TCF7L2: variants seen among roughly 807,000 people sequenced by gnomAD.
TCF7L2 encodes the protein transcription factor 7-like 2.
TCF7L2 carries 23 observed loss-of-function variants against 77.9 expected under a neutral mutation model. That is an observed-to-expected ratio of 0.30 (90% CI 0.21 to 0.42). The LOEUF is 0.42. Ranked by LOEUF, TCF7L2 falls within the 10% of genes least tolerant of loss-of-function variation. The pLI is 1.00. For synonymous variants in TCF7L2, 413 were observed against 340.2 expected (o/e 1.21, Z -2.36); for missense variants, 654 against 793.1 (o/e 0.82, Z 2.11).
At chr10:113,106,028 C>CTTA (rs1564901702) in intron 5 of TCF7L2, among the ~76,000 whole-genome samples, 6 of 152,248 alleles carry the variant, frequency 3.9e-5, no homozygotes, top group African/African-American at 1.4e-4. Context: ...TGGAATGTTA[C>CTTA]CTAACAGGTA....
Position 112,961,264 on chromosome 10 carries a change from C to G in TCF7L2, c.382-3292C>G, listed in dbSNP as rs28649988. On this transcript the variant is annotated intron_variant, in intron 3 of 13. Coordinates refer to ENST00000627217, the MANE Select transcript of TCF7L2 (RefSeq NM_001146274.2). Reference sequence around the variant, plus strand: ...TCCCGACCTCAGGTGACCCCCCCCCCCCCAACCTCGGCCTTCCAAAGCGCT... The same window carrying G: ...TCCCGACCTCAGGTGACCCCCCCCCGCCCAACCTCGGCCTTCCAAAGCGCT... 1.4e-4 allele frequency among the ~76,000 whole-genome samples: 19 copies of G among 131,776 alleles called. 3 individuals are homozygous for G. Among genetic ancestry groups the G allele is most frequent in the African/African-American group, 3.3e-4 (11 of 33,488 alleles). The allele number at this position is 131,776 out of a possible 152,430, so 86.5% of individuals were successfully genotyped here. A position where few individuals can be genotyped will look rare whatever the true frequency, so the allele number is the denominator to read the frequency against.
At chr10:113,083,379 A>T (rs1021924859) in intron 5 of TCF7L2, among the ~76,000 whole-genome samples, 2 of 152,030 alleles carry the variant, frequency 1.3e-5, no homozygotes, top group Non-Finnish European at 2.9e-5. Flanking sequence ...AATAATGAGA[A>T]AAAAGGATTG....
chr10:113,072,015 ACTTG>A (rs2058083029), intron 5 of TCF7L2, among the ~76,000 whole-genome samples: 1 of 152,134 alleles, frequency 6.6e-6, no homozygotes, highest in Non-Finnish European at 1.5e-5. Context: ...CTTTTTAATC[ACTTG>A]CTTTTTAAAA....
chr10:113,151,145 A>G lies in TCF7L2; in HGVS notation c.1001+22A>G. On this transcript the variant is annotated intron_variant, in intron 9 of 13. Transcript: ENST00000627217. The surrounding 1 kb of genome is among the most constrained non-coding windows in gnomAD (Gnocchi z 5.2). Reference sequence around the variant, plus strand: ...GTTCGTAAGTGTTGCTGTTTTTCTCACCTTCTTCGTAGCCGCAGTGTTCTG... The same window carrying G: ...GTTCGTAAGTGTTGCTGTTTTTCTCGCCTTCTTCGTAGCCGCAGTGTTCTG... 1 of 1,613,742 alleles carries G rather than the reference A, an allele frequency of 6.2e-7. No homozygotes were observed. Among genetic ancestry groups the G allele is most frequent in the South Asian group, 1.1e-5 (1 of 91,062 alleles).
At chr10:113,062,948 A>G (rs542785763) in intron 5 of TCF7L2, among the ~76,000 whole-genome samples, 80 of 152,320 alleles carry the variant, frequency 5.3e-4, no homozygotes, top group Non-Finnish European at 9.6e-4. Flanking sequence ...ATAGATACAC[A>G]TGTATCATGA....
At position 113,105,696 on chromosome 10, in the gene TCF7L2, C is replaced by T. The variant is rs866201267; in HGVS notation, c.553-35488C>T. On this transcript the variant is annotated intron_variant, in intron 5 of 13. Transcript: ENST00000627217. Reference sequence around the variant, plus strand: ...ATCAAGTCTTTGCTCTGCCTTTCTTCGAATCACGAAGATCCTGTCTGCCAG... The same window carrying T: ...ATCAAGTCTTTGCTCTGCCTTTCTTTGAATCACGAAGATCCTGTCTGCCAG... Among the ~76,000 whole-genome samples, 36 of 152,268 alleles carry T rather than the reference C, an allele frequency of 2.4e-4. 1 individual carries two copies. The highest frequency in any genetic ancestry group is 6.2e-4 in the South Asian group (3 of 4,820).
rs2040984260 is a variant in TCF7L2 at position 112,983,917 on chromosome 10, TG to T, written c.450+19295del. On this transcript the variant is annotated intron_variant, in intron 4 of 13. Coordinates refer to ENST00000627217, the MANE Select transcript of TCF7L2 (RefSeq NM_001146274.2). The stretch of plus-strand genomic sequence containing the variant: ...GTTCACACATAAACTTAGATGACAG[TG>T]GTGCAGTAGGGAGCTTGTCCAGAAT... Among the ~76,000 whole-genome samples the T allele has an allele frequency of 5.3e-5, 8 of 152,178 alleles. No homozygotes were observed. In the South Asian group the frequency reaches 1.7e-3, roughly 32 times the overall value.
intron 7 of TCF7L2, among the ~76,000 whole-genome samples, chr10:113,145,056 T>A (rs190872343): frequency 1.1e-3 from 166 of 152,210 alleles, no homozygotes; most frequent in Non-Finnish European, 1.7e-3. Context: ...GATAAAATTT[T>A]GGAGTGGCTT....
chr10:113,039,914 T>G, intron 4 of TCF7L2, 111 bp from the exon 5 acceptor site: 3 of 860,994 alleles, frequency 3.5e-6, no homozygotes, highest in Non-Finnish European at 5.5e-6. Flanking sequence ...TTTGCATGCT[T>G]GTATGTTTTT....
At chr10:112,979,389 G>T (rs2040053978) in intron 4 of TCF7L2, among the ~76,000 whole-genome samples, 1 of 152,202 alleles carries the variant, frequency 6.6e-6, no homozygotes, top group Non-Finnish European at 1.5e-5. Flanking sequence ...TTTTATCCCA[G>T]AGTCAAATTC....
Position 112,981,010 on chromosome 10 carries a change from G to C in TCF7L2, c.450+16386G>C, listed in dbSNP as rs143058434. The stretch of plus-strand genomic sequence containing the variant: ...AGAAATCACTGAAGCAATGTATAAA[G>C]ACACTTTTTTCTTGAAAGAGAACTT... On this transcript the variant is annotated intron_variant, in intron 4 of 13. Transcript: ENST00000627217. Among the ~76,000 whole-genome samples, 462 of 152,302 alleles carry C rather than the reference G, an allele frequency of 3.0e-3. 6 individuals are homozygous for C. The highest frequency in any genetic ancestry group is 0.013 in the Admixed American group (199 of 15,296).
chr10:113,034,021 G>A (rs1471469459), intron 4 of TCF7L2, among the ~76,000 whole-genome samples: 1 of 152,174 alleles, frequency 6.6e-6, no homozygotes, highest in Non-Finnish European at 1.5e-5. Context: ...TGGGTAAATT[G>A]GGATTCCGTG....
intron 5 of TCF7L2, among the ~76,000 whole-genome samples, chr10:113,136,129 C>T (rs1057269745): frequency 4.6e-5 from 7 of 152,108 alleles, no homozygotes; most frequent in Non-Finnish European, 1.0e-4. Context: ...CTTTACCTAC[C>T]GCGTGGAACT....
intron 5 of TCF7L2, among the ~76,000 whole-genome samples, chr10:113,051,516 A>G (rs1483337486): frequency 6.6e-6 from 1 of 152,266 alleles, no homozygotes; most frequent in Non-Finnish European, 1.5e-5. Context: ...TAAAAATGCT[A>G]GAACATGAAC....
At chr10:112,969,548 C>T (rs1034407449) in intron 4 of TCF7L2, among the ~76,000 whole-genome samples, 7 of 152,228 alleles carry the variant, frequency 4.6e-5, no homozygotes, top group Non-Finnish European at 2.9e-5. Flanking sequence ...TAGTCTTGCA[C>T]TGACCTTCTG....
chr10:113,083,864 C>A (rs1036375286), intron 5 of TCF7L2, among the ~76,000 whole-genome samples: 1 of 152,106 alleles, frequency 6.6e-6, no homozygotes, highest in African/African-American at 2.4e-5. Flanking sequence ...AAAATTCTTC[C>A]ATTTATGCAT....
chr10:113,095,525 G>A (rs1459975799), intron 5 of TCF7L2, among the ~76,000 whole-genome samples: 2 of 152,312 alleles, frequency 1.3e-5, no homozygotes, highest in Non-Finnish European at 1.5e-5. Flanking sequence ...GCCTCCCTGG[G>A]AATTTTTAAT....
chr10:113,162,766 A>G (rs1312205092), intron 13 of TCF7L2, among the ~76,000 whole-genome samples: 2 of 152,142 alleles, frequency 1.3e-5, no homozygotes, highest in Admixed American at 6.5e-5. Flanking sequence ...TAGCAAATGC[A>G]TTTCTGCTGT....
At chr10:113,081,188 G>A (rs936564990) in intron 5 of TCF7L2, among the ~76,000 whole-genome samples, 22 of 152,162 alleles carry the variant, frequency 1.4e-4, no homozygotes, top group South Asian at 8.3e-4. Flanking sequence ...TTTTGTAAGA[G>A]ATATGTTGGC....
Sources: allele counts gnomAD v4.1 joint callset (sites outside exome capture counted in the v4.1 genomes callset), GRCh38; gene constraint gnomAD v4.1.1; non-coding constraint Gnocchi (gnomAD v3.1); transcripts MANE v1.5; gene names NCBI Gene and HGNC (gene_info 2026-07-23, HGNC 2026-07-21).